The following YEATS4 variants were observed in gnomAD, a reference collection of about 807,000 sequenced individuals.
YEATS4 encodes the protein YEATS domain-containing protein 4.
In YEATS4, 17 loss-of-function variants were observed where a neutral mutation model predicts 30.1. The ratio of observed to expected loss-of-function variants is 0.56; its 90% CI spans 0.39 to 0.85. The LOEUF (loss-of-function observed/expected upper bound fraction) is 0.85, where lower values mean the gene tolerates loss of function less well. Among genes scored for constraint, YEATS4 ranks in the 40% least tolerant of loss-of-function variants. The pLI, the probability that YEATS4 is intolerant of heterozygous loss-of-function variation, is 0.00. For synonymous variants in YEATS4, 85 were observed against 87.5 expected, an observed-to-expected ratio of 0.97 and a Z score of 0.16; for missense variants, 142 against 268.3, an observed-to-expected ratio of 0.53 and a Z score of 3.29.
chr12:69,362,016 T>TTTTTTTTTTTTTTG (rs1875235909), intron 1 of YEATS4, among the ~76,000 whole-genome samples: 1 of 111,256 alleles, frequency 9.0e-6, no homozygotes, highest in African/African-American at 3.3e-5. Context: ...TTTGGTTGTT[T>TTTTTTTTTTTTTTG]TTTTTTTTTT....
At chr12:69,365,748 G>T (rs758776275) in intron 3 of YEATS4, 42 bp from the exon 4 acceptor site, 1 of 1,591,008 alleles carries the variant, frequency 6.3e-7, no homozygotes, top group East Asian at 2.2e-5. Flanking sequence ...AAAATGGCTA[G>T]GAAACTAAAC....
At chr12:69,370,561 T>G in intron 4 of YEATS4, 145 bp from the exon 5 acceptor site, 1 of 604,810 alleles carries the variant, frequency 1.7e-6, no homozygotes, top group Non-Finnish European at 2.6e-6. Context: ...TTTGGGTGAT[T>G]TGCTGCAATA....
At chr12:69,384,443 C>CTG (rs1022124169) in intron 6 of YEATS4, among the ~76,000 whole-genome samples, 9 of 152,156 alleles carry the variant, frequency 5.9e-5, no homozygotes, top group African/African-American at 2.2e-4. Flanking sequence ...ATTAAGTTTT[C>CTG]TGTGTGATCT....
the YEATS4 span, among the ~76,000 whole-genome samples, chr12:69,419,140 C>T: frequency 2.7e-5 from 4 of 149,916 alleles, no homozygotes; most frequent in African/African-American, 4.9e-5. Flanking sequence ...CCTCACTTTC[C>T]TGTTCTCAGT....
chr12:69,388,467 C>T (rs917977510), intron 6 of YEATS4, among the ~76,000 whole-genome samples: 2 of 152,022 alleles, frequency 1.3e-5, no homozygotes, highest in Non-Finnish European at 2.9e-5. Flanking sequence ...GTTTTTTTCC[C>T]ACCAAACCAT....
At chr12:69,412,684 A>G in the YEATS4 span, among the ~76,000 whole-genome samples, 1 of 152,066 alleles carries the variant, frequency 6.6e-6, no homozygotes, top group East Asian at 1.9e-4. Flanking sequence ...ATACAAATAA[A>G]AATAAAGGCG....
At chr12:69,420,667 C>A in the YEATS4 span, among the ~76,000 whole-genome samples, 2 of 151,992 alleles carry the variant, frequency 1.3e-5, no homozygotes, top group African/African-American at 4.8e-5. Flanking sequence ...TTAGGAGAAG[C>A]CTTCATTTAG....
the YEATS4 span, among the ~76,000 whole-genome samples, chr12:69,400,737 G>A: frequency 6.6e-6 from 1 of 150,594 alleles, no homozygotes; most frequent in African/African-American, 2.4e-5. Context: ...CTAGTAATCA[G>A]AGAAATGCAA....
chr12:69,407,378 C>T, the YEATS4 span, among the ~76,000 whole-genome samples: 1 of 152,016 alleles, frequency 6.6e-6, no homozygotes, highest in Non-Finnish European at 1.5e-5. Context: ...GTGCTGAATA[C>T]ATATTAATTA....
At chr12:69,366,269 G>A (rs1565675477) in intron 4 of YEATS4, among the ~76,000 whole-genome samples, 1 of 151,932 alleles carries the variant, frequency 6.6e-6, no homozygotes, top group Non-Finnish European at 1.5e-5. Context: ...GCTTTTTTAA[G>A]CTGTCATCAG....
At chr12:69,388,441 C>G (rs1868279335) in intron 6 of YEATS4, among the ~76,000 whole-genome samples, 1 of 152,180 alleles carries the variant, frequency 6.6e-6, no homozygotes, top group African/African-American at 2.4e-5. Context: ...CAGATCTTTT[C>G]TGTTTCCATA....
chr12:69,416,243 C>T, the YEATS4 span, among the ~76,000 whole-genome samples: 1 of 152,188 alleles, frequency 6.6e-6, no homozygotes, highest in African/African-American at 2.4e-5. Flanking sequence ...ATCCATTGTT[C>T]TCCTCCCCAT....
At chr12:69,381,393 C>T (rs1004994257) in intron 6 of YEATS4, among the ~76,000 whole-genome samples, 2 of 152,176 alleles carry the variant, frequency 1.3e-5, no homozygotes, top group Non-Finnish European at 2.9e-5. Context: ...GAACCAATTG[C>T]TGTTATCCTG....
At chr12:69,393,349 T>C (rs145593864), downstream of YEATS4, among the ~76,000 whole-genome samples, 734 of 152,212 alleles carry the variant, frequency 4.8e-3, 3 homozygotes, top group African/African-American at 0.017. Flanking sequence ...CCACCTGTAG[T>C]CCTAGCTGCT....
intron 6 of YEATS4, among the ~76,000 whole-genome samples, chr12:69,379,506 G>A (rs749057035): frequency 3.3e-5 from 5 of 151,080 alleles, no homozygotes; most frequent in East Asian, 1.9e-4. Flanking sequence ...TCCACCTTCC[G>A]GGTTCAAGCA....
the YEATS4 span, among the ~76,000 whole-genome samples, chr12:69,398,374 G>A: frequency 2.0e-5 from 3 of 151,658 alleles, no homozygotes; most frequent in African/African-American, 4.8e-5. Context: ...CAGGATGAAC[G>A]ATTATATACA....
chr12:69,368,774 T>C (rs1875532168), intron 4 of YEATS4, among the ~76,000 whole-genome samples: 1 of 152,236 alleles, frequency 6.6e-6, no homozygotes, highest in Non-Finnish European at 1.5e-5. Context: ...ATCTCTAATA[T>C]CTTCCTCCAT....
At chr12:69,380,366 CTT>C (rs1876028006) in intron 6 of YEATS4, among the ~76,000 whole-genome samples, 1 of 152,202 alleles carries the variant, frequency 6.6e-6, no homozygotes, top group Non-Finnish European at 1.5e-5. Flanking sequence ...TAGGGTACGA[CTT>C]TGGTGGTCTT....
At chr12:69,370,825 T>TAAAA (rs1168172249) in intron 5 of YEATS4, 27 bp downstream of exon 5, 1 of 1,595,946 alleles carries the variant, frequency 6.3e-7, no homozygotes, top group Admixed American at 1.8e-5. Flanking sequence ...ATGATAGTTT[T>TAAAA]AAAAGCATTT....
Sources: gnomAD v4.1 joint callset for allele counts (sites outside exome capture counted in the v4.1 genomes callset) on GRCh38, gnomAD v4.1.1 for gene constraint, MANE v1.5 for transcripts, NCBI Gene and HGNC (gene_info 2026-07-23, HGNC 2026-07-21) for gene names.